The following ZFHX3 variants were observed in gnomAD, a reference collection of about 807,000 sequenced individuals.
ZFHX3 encodes zinc finger homeobox 3.
Under a neutral mutation model 279.1 loss-of-function variants are expected in ZFHX3, and 42 were observed. The observed-to-expected ratio is 0.15, with a 90% CI of 0.12 to 0.19. The LOEUF is 0.19. ZFHX3 is among the 10% of genes least tolerant of loss of function. The pLI is 1.00. For missense variants in ZFHX3, 4,981 were observed against 4,754.0 expected, an observed-to-expected ratio of 1.05 and a Z score of -1.40; for synonymous variants, 2,293 against 1,957.8, an observed-to-expected ratio of 1.17 and a Z score of -4.52.
chr16:73,381,772 G>T (rs1475784237), intron 3 of ZFHX3, among the ~76,000 whole-genome samples: 2 of 152,132 alleles, frequency 1.3e-5, no homozygotes, highest in African/African-American at 4.8e-5. Flanking sequence ...CTAAAAATAA[G>T]TAAATAAATA....
intron 3 of ZFHX3, among the ~76,000 whole-genome samples, chr16:72,910,516 G>A (rs1021415697): frequency 1.8e-4 from 27 of 152,276 alleles, no homozygotes; most frequent in Middle Eastern, 3.4e-3. Context: ...ACAGTCCTGC[G>A]TAGATTTCAA....
At position 73,687,846 on chromosome 16, in the gene ZFHX3, CAAAAAAAAAAAAAAA is replaced by C. The variant is rs535371406; in HGVS notation, c.-1607-7621_-1607-7607del. The stretch of plus-strand genomic sequence containing the variant: ...CTGGTGACAGAGCAAGACTCTGTCT[CAAAAAAAAAAAAAAA>C]AAAAAAAACAGATTTAGTAGCTATT... On this transcript the variant is annotated intron_variant, in intron 1 of 17. Transcript: ENST00000641206. Among the ~76,000 whole-genome samples the C allele has an allele frequency of 7.1e-3, 453 of 63,948 alleles. 8 individuals are homozygous for C. The highest frequency in any genetic ancestry group is 0.056 in the Admixed American group (320 of 5,668). The allele number at this position is 63,948 out of a possible 152,430, so 42.0% of individuals were successfully genotyped here. A position where few individuals can be genotyped will look rare whatever the true frequency, so the allele number is the denominator to read the frequency against.
At chr16:73,092,221 C>G (rs963492146) in intron 8 of ZFHX3, 2 of 152,164 alleles carry the variant, frequency 1.3e-5, no homozygotes, top group Non-Finnish European at 2.9e-5. Context: ...TCTGCCACTG[C>G]GTGTTGATGG....
intron 3 of ZFHX3, among the ~76,000 whole-genome samples, chr16:73,409,187 C>A (rs1235916225): frequency 6.6e-6 from 1 of 152,164 alleles, no homozygotes; most frequent in Non-Finnish European, 1.5e-5. Flanking sequence ...TACAGCATTG[C>A]AGAGAATAAG....
intron 5 of ZFHX3, among the ~76,000 whole-genome samples, chr16:73,181,070 T>A (rs184225244): frequency 3.9e-4 from 46 of 117,796 alleles, no homozygotes; most frequent in African/African-American, 1.7e-3. Flanking sequence ...CTGCAGCTAG[T>A]TTTTTTGTTT....
At position 72,957,801 on chromosome 16, in the gene ZFHX3, GCCGCCGCCGCAGCCA is replaced by G. The variant is rs750272637; in HGVS notation, c.2330_2344del (p.Val777_Ala781del). On this transcript the variant is annotated inframe_deletion, in exon 2 of 10. Transcript: ENST00000268489. ...GCAGGAGCTACTGATATTGGCTGCC[GCCGCCGCCGCAGCCA>G]CCGCCGCCGCCGCCGCCCCGGCAGT... The G allele has an allele frequency of 1.1e-4, 178 of 1,594,972 alleles. No homozygotes were observed. The highest frequency in any genetic ancestry group is 3.3e-4 in the Middle Eastern group (2 of 6,002).
intron 4 of ZFHX3, among the ~76,000 whole-genome samples, chr16:72,883,381 A>G (rs982328791): frequency 2.0e-5 from 3 of 152,176 alleles, no homozygotes; most frequent in Non-Finnish European, 4.4e-5. Flanking sequence ...GTAGCCTGTT[A>G]GTGATTCTGC....
At chr16:73,683,011 G>GAAAGAAAGAA (rs368636335) in intron 1 of ZFHX3, among the ~76,000 whole-genome samples, 1 of 49,196 alleles carries the variant, frequency 2.0e-5, no homozygotes, top group African/African-American at 3.9e-5. Flanking sequence ...AAGAAAGAAA[G>GAAAGAAAGAA]AGAAAGGAGG....
intron 2 of ZFHX3, among the ~76,000 whole-genome samples, chr16:73,603,559 A>C (rs531762122): frequency 6.6e-6 from 1 of 152,214 alleles, no homozygotes; most frequent in South Asian, 2.1e-4. Flanking sequence ...AAGTACCTGA[A>C]AACTTTCTAA....
At chr16:73,381,796 T>C (rs6564136) in intron 3 of ZFHX3, among the ~76,000 whole-genome samples, 87,107 of 152,040 alleles carry the variant, frequency 0.57, 25,584 homozygotes, top group Non-Finnish European at 0.63. Context: ...AATAAAAGTC[T>C]ATGCATAAAT....
intron 1 of ZFHX3, among the ~76,000 whole-genome samples, chr16:73,053,365 C>T (rs1373626030): frequency 1.3e-5 from 2 of 152,012 alleles, no homozygotes; most frequent in Non-Finnish European, 2.9e-5. Flanking sequence ...GGGGAGGCTG[C>T]GGGGGCAAGG....
At chr16:72,935,576 A>G (rs1960075808) in intron 3 of ZFHX3, among the ~76,000 whole-genome samples, 1 of 152,006 alleles carries the variant, frequency 6.6e-6, no homozygotes, top group Admixed American at 6.6e-5. Flanking sequence ...CCCCATCACT[A>G]CTAAAAATAC....
chr16:73,557,929 C>T (rs905644362), intron 2 of ZFHX3, among the ~76,000 whole-genome samples: 1 of 152,146 alleles, frequency 6.6e-6, no homozygotes, highest in African/African-American at 2.4e-5. Flanking sequence ...CCCAAAAGCA[C>T]ACCATTCTGG....
At chr16:73,276,543 G>T (rs1435032709) in intron 4 of ZFHX3, among the ~76,000 whole-genome samples, 1 of 151,970 alleles carries the variant, frequency 6.6e-6, no homozygotes, top group African/African-American at 2.4e-5. Flanking sequence ...ACATAATATT[G>T]AAAACAATAA....
At chr16:72,903,161 G>C (rs1021376958) in intron 3 of ZFHX3, among the ~76,000 whole-genome samples, 1 of 152,122 alleles carries the variant, frequency 6.6e-6, no homozygotes, top group Non-Finnish European at 1.5e-5. Context: ...GTTCGAGGAG[G>C]GTGCCCACTG....
chr16:73,783,966 TG>T (rs779153196), intron 1 of ZFHX3, among the ~76,000 whole-genome samples: 1 of 151,992 alleles, frequency 6.6e-6, no homozygotes, highest in Non-Finnish European at 1.5e-5. Flanking sequence ...TGTCAAACCC[TG>T]GGTGTCTTTA....
intron 1 of ZFHX3, among the ~76,000 whole-genome samples, chr16:73,875,599 C>T (rs1005193635): frequency 6.6e-6 from 1 of 152,026 alleles, no homozygotes; most frequent in Non-Finnish European, 1.5e-5. Flanking sequence ...GAAATATACC[C>T]TGAGATTCGA....
At chr16:72,964,199 G>A (rs1961719496) in intron 1 of ZFHX3, among the ~76,000 whole-genome samples, 1 of 152,122 alleles carries the variant, frequency 6.6e-6, no homozygotes, top group African/African-American at 2.4e-5. Flanking sequence ...ACAATTCCCC[G>A]TTCTAGGAAT....
In ZFHX3 at chr16:72,787,049, T is replaced by C. The variant is rs2035414093; in HGVS notation, c.*115A>G. 2.0e-5 allele frequency: 20 copies of C among 1,018,080 alleles called. 1 individual carries two copies. Among genetic ancestry groups the C allele is most frequent in the East Asian group, 3.9e-5 (1 of 25,474 alleles). 63.1% of individuals were successfully genotyped at this position (1,018,080 alleles called of 1,614,324 possible). A position where few individuals can be genotyped will look rare whatever the true frequency, so the allele number is the denominator to read the frequency against. On this transcript the variant is annotated 3_prime_UTR_variant, in exon 10 of 10. Coordinates refer to ENST00000268489, the MANE Select transcript of ZFHX3 (RefSeq NM_006885.4). ...CTTTTTCTTTTTTTTCTTTTTTTTT[T>C]TTTTTTTGTTTTTTGGTTAGAAGCT... is the stretch of plus-strand genomic sequence containing the variant.
Sources: allele counts gnomAD v4.1 joint callset (sites outside exome capture counted in the v4.1 genomes callset), GRCh38; gene constraint gnomAD v4.1.1; transcripts MANE v1.5; gene names NCBI Gene and HGNC (gene_info 2026-07-23, HGNC 2026-07-21).